PARVA: variants seen among roughly 807,000 people sequenced by gnomAD.
PARVA encodes the protein parvin alpha.
Under a neutral mutation model 52.6 loss-of-function variants are expected in PARVA, and 25 were observed. The ratio of observed to expected loss-of-function variants is 0.48; its 90% CI spans 0.35 to 0.66. The LOEUF (loss-of-function observed/expected upper bound fraction) is 0.66. Ranked by LOEUF, PARVA falls within the 30% of genes least tolerant of loss-of-function variation. The pLI, the probability that PARVA is intolerant of heterozygous loss-of-function variation, is 0.01. For synonymous variants in PARVA, 185 were observed against 179.1 expected (o/e 1.03, Z -0.26); for missense variants, 373 against 450.9 (o/e 0.83, Z 1.56).
intron 5 of PARVA, among the ~76,000 whole-genome samples, chr11:12,502,332 T>C (rs77004908): frequency 7.8e-4 from 119 of 152,264 alleles, no homozygotes; most frequent in African/African-American, 2.6e-3. Flanking sequence ...TTCTGCTAAA[T>C]CAGACTCACT....
intron 11 of PARVA, 78 bp downstream of exon 11, chr11:12,517,789 T>A: frequency 9.7e-7 from 1 of 1,027,130 alleles, no homozygotes; most frequent in African/African-American, 1.6e-5. Context: ...GCTGGGGCTA[T>A]CCAGAAAAAA....
chr11:12,408,586 C>T (rs1939947732), intron 1 of PARVA, among the ~76,000 whole-genome samples: 1 of 152,138 alleles, frequency 6.6e-6, no homozygotes, highest in Admixed American at 6.6e-5. Context: ...GTTGGAATCC[C>T]AGCTAACTAG....
chr11:12,475,969 G>A (rs553015844), intron 3 of PARVA, among the ~76,000 whole-genome samples: 51 of 152,326 alleles, frequency 3.3e-4, no homozygotes, highest in Non-Finnish European at 6.2e-4. Flanking sequence ...CACACTCTCC[G>A]GGGTGCTGGG....
chr11:12,449,248 G>A (rs933933), intron 1 of PARVA, among the ~76,000 whole-genome samples: 6 of 152,054 alleles, frequency 3.9e-5, no homozygotes, highest in Middle Eastern at 3.4e-3. Context: ...CTGCCTCTCC[G>A]GCTCAAGTGA....
intron 1 of PARVA, among the ~76,000 whole-genome samples, chr11:12,445,939 T>A (rs376162995): frequency 2.0e-5 from 3 of 152,314 alleles, no homozygotes; most frequent in African/African-American, 4.8e-5. Flanking sequence ...GCTAATTTTT[T>A]AAATAGTATT....
At chr11:12,473,617 A>G (rs1032161450) in intron 1 of PARVA, 128 bp from the exon 2 acceptor site, 1 of 696,044 alleles carries the variant, frequency 1.4e-6, no homozygotes. Flanking sequence ...TCGTAGGCTG[A>G]GTAACAGCTG....
At chr11:12,517,485 C>A in intron 10 of PARVA, 125 bp from the exon 11 acceptor site, 4 of 717,366 alleles carry the variant, frequency 5.6e-6, no homozygotes, top group South Asian at 5.0e-5. Context: ...GCCCCTACCC[C>A]CGAGCTAGCA....
At chr11:12,493,347 C>G (rs1351440823) in intron 4 of PARVA, among the ~76,000 whole-genome samples, 1 of 72,444 alleles carries the variant, frequency 1.4e-5, no homozygotes, top group African/African-American at 4.7e-5. Context: ...CATAATGAGA[C>G]TCCATCTCAA....
intron 1 of PARVA, among the ~76,000 whole-genome samples, chr11:12,456,354 T>G (rs1258849320): frequency 6.6e-6 from 1 of 152,090 alleles, no homozygotes; most frequent in Admixed American, 6.5e-5. Flanking sequence ...TAAGTAATAG[T>G]CAGAGCTGGG....
intron 5 of PARVA, among the ~76,000 whole-genome samples, chr11:12,500,406 G>A (rs1295135183): frequency 6.6e-6 from 1 of 152,166 alleles, no homozygotes; most frequent in African/African-American, 2.4e-5. Flanking sequence ...TTGAGAGGCA[G>A]CAATGATGAG....
At chr11:12,414,349 G>C (rs972918107) in intron 1 of PARVA, among the ~76,000 whole-genome samples, 1 of 152,196 alleles carries the variant, frequency 6.6e-6, no homozygotes, top group African/African-American at 2.4e-5. Context: ...GTTTTATGCA[G>C]ATTCTGAGAA....
chr11:12,504,421 G>GT lies in PARVA; in HGVS notation c.650dup (p.Val218GlyfsTer20). The GT allele has an allele frequency of 6.2e-7, 1 of 1,606,230 alleles. No homozygotes were observed. The highest frequency in any genetic ancestry group is 8.5e-7 in the Non-Finnish European group (1 of 1,172,950). The stretch of plus-strand genomic sequence containing the variant: ...AGACCATGTTTCCATCCAAGTGGTT[G>GT]TGGTCCAGGTAAGACAGGTAACACT... On this transcript the variant is annotated frameshift_variant, in exon 6 of 13. Coordinates refer to ENST00000334956, the MANE Select transcript of PARVA (RefSeq NM_018222.5). LOFTEE classifies it high-confidence loss of function.
intron 1 of PARVA, among the ~76,000 whole-genome samples, chr11:12,441,631 G>GA (rs1348877434): frequency 1.3e-5 from 2 of 150,752 alleles, no homozygotes; most frequent in East Asian, 1.9e-4. Flanking sequence ...GTTTGAGAAT[G>GA]AAAAAAAAAT....
intron 12 of PARVA, among the ~76,000 whole-genome samples, chr11:12,524,502 C>T (rs1941676713): frequency 3.9e-5 from 6 of 152,234 alleles, no homozygotes; most frequent in Non-Finnish European, 1.5e-5. Flanking sequence ...CTATCAGTAT[C>T]TGTCCTTCAC....
chr11:12,477,387 G>A (rs759516362), intron 3 of PARVA, among the ~76,000 whole-genome samples: 7 of 152,082 alleles, frequency 4.6e-5, no homozygotes, highest in Non-Finnish European at 7.4e-5. Flanking sequence ...GAACCACCAC[G>A]CCCAGCCTAA....
At chr11:12,453,309 G>A (rs767797916) in intron 1 of PARVA, among the ~76,000 whole-genome samples, 1 of 152,190 alleles carries the variant, frequency 6.6e-6, no homozygotes, top group South Asian at 2.1e-4. Flanking sequence ...AAGGACTTGC[G>A]GAAGAAAAGC....
chr11:12,527,301 G>GGAGGGAGGATGGGAGGATTA (rs6144218), intron 12 of PARVA, among the ~76,000 whole-genome samples: 46,422 of 151,138 alleles, frequency 0.31, 7,181 homozygotes, highest in Non-Finnish European at 0.34. Flanking sequence ...TCAGAGGAAA[G>GGAGGGAGGATGGGAGGATTA]GAGGGAGGGA....
intron 1 of PARVA, among the ~76,000 whole-genome samples, chr11:12,457,671 A>G (rs1940716731): frequency 6.6e-6 from 1 of 152,042 alleles, no homozygotes; most frequent in Admixed American, 6.5e-5. Context: ...TCAACAGACC[A>G]CTCATCCATT....
intron 1 of PARVA, chr11:12,398,403 C>T (rs1939780476): frequency 6.6e-6 from 1 of 151,636 alleles, no homozygotes; most frequent in South Asian, 2.1e-4. Flanking sequence ...TTGGCCTGGT[C>T]TTTTGAATAG....
Sources: allele counts gnomAD v4.1 joint callset (sites outside exome capture counted in the v4.1 genomes callset), GRCh38; gene constraint gnomAD v4.1.1; transcripts MANE v1.5; gene names NCBI Gene and HGNC (gene_info 2026-07-23, HGNC 2026-07-21).